ANO3: variants seen among roughly 807,000 people sequenced by gnomAD.
ANO3 encodes anoctamin-3.
ANO3 carries 99 observed loss-of-function variants against 144.8 expected under a neutral mutation model. That is an observed-to-expected ratio of 0.68 (90% CI 0.58 to 0.81). The LOEUF (loss-of-function observed/expected upper bound fraction) is 0.81. ANO3 is among the 30% of genes least tolerant of loss of function. The pLI, the probability that ANO3 is intolerant of heterozygous loss-of-function variation, is 0.00. For synonymous variants in ANO3, 414 were observed against 392.6 expected, an observed-to-expected ratio of 1.05 and a Z score of -0.64; for missense variants, 905 against 1,202.2, an observed-to-expected ratio of 0.75 and a Z score of 3.66.
At chr11:26,383,885 G>GTTAT (rs1856650359) in intron 1 of ANO3, among the ~76,000 whole-genome samples, 2 of 65,304 alleles carry the variant, frequency 3.1e-5, no homozygotes, top group African/African-American at 1.1e-4. Flanking sequence ...GCCATGCATT[G>GTTAT]TTCTTTTTTT....
At chr11:26,272,441 C>T (rs1853460104) in intron 1 of ANO3, among the ~76,000 whole-genome samples, 1 of 152,128 alleles carries the variant, frequency 6.6e-6, no homozygotes, top group African/African-American at 2.4e-5. Context: ...CCTTTTTAAA[C>T]TTGTAAGTGC....
In ANO3 at chr11:26,661,757, G is replaced by A. The variant is rs1160396037; in HGVS notation, c.*1313G>A. 1.3e-5 allele frequency: 2 copies of A among 152,066 alleles called. No homozygotes were observed. Among genetic ancestry groups the A allele is most frequent in the Non-Finnish European group, 2.9e-5 (2 of 68,018 alleles). The allele number at this position is 152,066 out of a possible 1,614,324, so 9.4% of individuals were successfully genotyped here. On this transcript the variant is annotated 3_prime_UTR_variant, in exon 27 of 27. Coordinates refer to ENST00000256737, the MANE Select transcript of ANO3 (RefSeq NM_031418.4). ...TTCAACGTCAACTCTGTATCTATGA[G>A]TATGTCTGTTCCACAGACAGATGAG...
At chr11:26,359,886 T>C (rs1329779904) in intron 1 of ANO3, among the ~76,000 whole-genome samples, 1 of 151,714 alleles carries the variant, frequency 6.6e-6, no homozygotes. Flanking sequence ...AGTGTGTGTG[T>C]GTGTGTGTGT....
chr11:26,304,667 C>G (rs1364278797), upstream of ANO3, among the ~76,000 whole-genome samples: 13 of 151,836 alleles, frequency 8.6e-5, no homozygotes, highest in East Asian at 2.5e-3. Flanking sequence ...CATATAGAAC[C>G]ACCTCATTTT....
chr11:26,605,661 G>A (rs1851915138), intron 17 of ANO3, among the ~76,000 whole-genome samples: 1 of 152,128 alleles, frequency 6.6e-6, no homozygotes, highest in African/African-American at 2.4e-5. Context: ...TTAGTCTTGG[G>A]AGGGTGTATC....
chr11:26,256,228 A>G (rs1223390003), intron 1 of ANO3, among the ~76,000 whole-genome samples: 1 of 152,198 alleles, frequency 6.6e-6, no homozygotes, highest in Non-Finnish European at 1.5e-5. Context: ...AGATTATACC[A>G]TATGAAACTG....
At chr11:26,308,670 A>G (rs1298263718), upstream of ANO3, among the ~76,000 whole-genome samples, 1 of 152,188 alleles carries the variant, frequency 6.6e-6, no homozygotes, top group African/African-American at 2.4e-5. Flanking sequence ...ACTTTGTCAA[A>G]CATTTGGGAA....
Position 26,334,134 on chromosome 11 carries a change from CA to C in ANO3, c.46+1814del, listed in dbSNP as rs1414529480. On this transcript the variant is annotated intron_variant, in intron 1 of 26. Transcript: ENST00000256737. ...AGAAATTGTGCAATTGCTGGCATTT[CA>C]CATTGTTTCCTTTATGATGCATTAT... Among the ~76,000 whole-genome samples, 10 of 152,348 alleles carry C rather than the reference CA, an allele frequency of 6.6e-5. No individual in the cohort carries two copies. The East Asian group carries it at 1.9e-3, about 29-fold the overall frequency.
intron 13 of ANO3, among the ~76,000 whole-genome samples, chr11:26,557,059 A>G (rs1209822965): frequency 1.3e-5 from 2 of 152,180 alleles, no homozygotes; most frequent in Non-Finnish European, 1.5e-5. Flanking sequence ...AGTCACACTC[A>G]GTTCTTCAAG....
chr11:26,638,607 C>G (rs549341614), intron 20 of ANO3, among the ~76,000 whole-genome samples: 8 of 152,276 alleles, frequency 5.3e-5, no homozygotes, highest in Admixed American at 1.3e-4. Context: ...TTGCGTTTAG[C>G]TAATTGTAAT....
intron 1 of ANO3, among the ~76,000 whole-genome samples, chr11:26,233,962 G>A (rs2133804751): frequency 6.6e-6 from 1 of 151,186 alleles, no homozygotes; most frequent in East Asian, 1.9e-4. Flanking sequence ...GGCAAGGGGA[G>A]GGAGAGCATT....
intron 1 of ANO3, among the ~76,000 whole-genome samples, chr11:26,350,510 C>T (rs1426915832): frequency 6.6e-6 from 1 of 152,030 alleles, no homozygotes; most frequent in African/African-American, 2.4e-5. Context: ...TGTTTAAAAC[C>T]TTCAACAATT....
intron 8 of ANO3, among the ~76,000 whole-genome samples, chr11:26,534,015 T>C (rs1232553350): frequency 1.3e-5 from 2 of 152,190 alleles, no homozygotes; most frequent in African/African-American, 4.8e-5. Context: ...TCTTCATTGC[T>C]ACTCTTCCCA....
In ANO3 at chr11:26,407,721, T is replaced by C. The variant is rs115171117; in HGVS notation, c.47-34197T>C. On this transcript the variant is annotated intron_variant, in intron 1 of 26. Transcript: ENST00000256737. Reference sequence around the variant, plus strand: ...GTAGCTTAAAATCTTGCAATGGCTCTCCGTTTCTCTTAAGATAAAGTTTAA... The same window carrying C: ...GTAGCTTAAAATCTTGCAATGGCTCCCCGTTTCTCTTAAGATAAAGTTTAA... Among the ~76,000 whole-genome samples, 780 of 151,990 alleles carry C rather than the reference T, an allele frequency of 5.1e-3. 7 individuals are homozygous for C. The highest frequency in any genetic ancestry group is 0.018 in the African/African-American group (734 of 41,514).
At chr11:26,410,396 ACT>A (rs1047827410) in intron 1 of ANO3, among the ~76,000 whole-genome samples, 6 of 152,160 alleles carry the variant, frequency 3.9e-5, no homozygotes, top group African/African-American at 1.4e-4. Context: ...GAAAGTATAC[ACT>A]GAGTAGTTGA....
At chr11:26,328,068 C>A (rs557559933), upstream of ANO3, among the ~76,000 whole-genome samples, 4 of 152,208 alleles carry the variant, frequency 2.6e-5, no homozygotes, top group African/African-American at 9.6e-5. Context: ...TTTTAAAATT[C>A]TGTTTTGTAA....
intron 3 of ANO3, among the ~76,000 whole-genome samples, chr11:26,445,576 G>A (rs371513317): frequency 6.8e-4 from 104 of 151,864 alleles, no homozygotes; most frequent in East Asian, 6.4e-3. Flanking sequence ...ACTGTATCTC[G>A]TATTCACTAT....
upstream of ANO3, chr11:26,332,065 G>A: frequency 7.1e-7 from 1 of 1,413,688 alleles, no homozygotes; most frequent in Non-Finnish European, 9.3e-7. Flanking sequence ...AGCCGCTAAG[G>A]GGAGCCGGAC....
At chr11:26,369,080 A>G (rs1004408752) in intron 1 of ANO3, among the ~76,000 whole-genome samples, 5 of 152,158 alleles carry the variant, frequency 3.3e-5, no homozygotes, top group African/African-American at 1.2e-4. Flanking sequence ...TTTTAAAATT[A>G]TAAGTCAGCT....
Sources: allele counts gnomAD v4.1 joint callset (sites outside exome capture counted in the v4.1 genomes callset), GRCh38; gene constraint gnomAD v4.1.1; transcripts MANE v1.5; gene names NCBI Gene and HGNC (gene_info 2026-07-23, HGNC 2026-07-21).